RSRP1: variants seen among roughly 807,000 people sequenced by gnomAD.
RSRP1 encodes arginine/serine-rich protein 1.
In RSRP1, 37 loss-of-function variants were observed where a neutral mutation model predicts 33.0. That is an observed-to-expected ratio of 1.12 (90% CI 0.86 to 1.48). The LOEUF is 1.48. Ranked by LOEUF, RSRP1 falls within the 40% of genes most tolerant of loss-of-function variation. The pLI is 0.00. For synonymous variants in RSRP1, 167 were observed against 158.7 expected, an observed-to-expected ratio of 1.05 and a Z score of -0.40; for missense variants, 402 against 385.3, an observed-to-expected ratio of 1.04 and a Z score of -0.36.
intron 1 of RSRP1, among the ~76,000 whole-genome samples, chr1:25,298,710 A>G (rs1381902999): frequency 7.6e-6 from 1 of 131,604 alleles, no homozygotes; most frequent in African/African-American, 2.6e-5. Context: ...GGTATTTACT[A>G]TATACCAGGG....
rs1310963896 is a variant in RSRP1 at position 25,269,064 on chromosome 1, T to G, written c.-66-22035A>C. On this transcript the variant is annotated intron_variant, in intron 1 of 1. Coordinates refer to the RSRP1 transcript ENST00000561867. ...AGTACAGTTGTTCCTTGACTTTCGA[T>G]GGGGTTATGTCCTGATAAAGCCATG... 6.1e-5 allele frequency among the ~76,000 whole-genome samples: 8 copies of G among 130,774 alleles called. 2 individuals are homozygous for G. Among genetic ancestry groups the G allele is most frequent in the African/African-American group, 2.1e-4 (8 of 38,268 alleles). The allele number at this position is 130,774 out of a possible 152,430, so 85.8% of individuals were successfully genotyped here.
intron 1 of RSRP1, among the ~76,000 whole-genome samples, chr1:25,321,661 C>T (rs182753104): frequency 0.068 from 2,110 of 31,202 alleles, 329 homozygotes; most frequent in African/African-American, 0.11. Flanking sequence ...TAGAGTGAGA[C>T]TCTGTCTCAA....
At chr1:25,267,478 T>C (rs1640342554) in intron 1 of RSRP1, among the ~76,000 whole-genome samples, 1 of 125,338 alleles carries the variant, frequency 8.0e-6, no homozygotes, top group African/African-American at 2.8e-5. Flanking sequence ...GCGCCGAGAC[T>C]GGGGTCCACG....
At chr1:25,312,245 G>T (rs1162811940) in intron 1 of RSRP1, among the ~76,000 whole-genome samples, 5 of 96,912 alleles carry the variant, frequency 5.2e-5, no homozygotes, top group African/African-American at 1.7e-4. Flanking sequence ...TTTTTCCCTT[G>T]CCTCTTTTTC....
chr1:25,252,387 A>C (rs531006606), upstream of RSRP1, among the ~76,000 whole-genome samples: 5 of 152,250 alleles, frequency 3.3e-5, no homozygotes, highest in East Asian at 9.7e-4. Flanking sequence ...GGAAAAAAAA[A>C]CAATCAGCAT....
chr1:25,320,416 G>T (rs2124136010), intron 1 of RSRP1, among the ~76,000 whole-genome samples: 1 of 132,308 alleles, frequency 7.6e-6, no homozygotes, highest in African/African-American at 2.6e-5. Context: ...CCTCAGTGAT[G>T]AGTAAGCCTC....
rs1407498613 is a variant in RSRP1 at position 25,301,375 on chromosome 1, C to T, written c.-67+36603G>A. The T allele has an allele frequency of 4.5e-5, 37 of 827,898 alleles. 6 individuals carry two copies. Among genetic ancestry groups the T allele is most frequent in the Middle Eastern group, 3.5e-4 (1 of 2,884 alleles). 51.3% of individuals were successfully genotyped at this position (827,898 alleles called of 1,614,324 possible). A position where few individuals can be genotyped will look rare whatever the true frequency, so the allele number is the denominator to read the frequency against. ...GTTAGCTGGTATCAGCTTGAGAGCT[C>T]GGAGGGGAGACGTGACTTCCCCATC... On this transcript the variant is annotated intron_variant, in intron 1 of 1. Coordinates refer to the RSRP1 transcript ENST00000561867.
At chr1:25,252,411 A>T (rs867037290), upstream of RSRP1, among the ~76,000 whole-genome samples, 1 of 152,136 alleles carries the variant, frequency 6.6e-6, no homozygotes, top group African/African-American at 2.4e-5. Context: ...TACACTCACC[A>T]GACAATGGAG....
intron 3 of RSRP1, chr1:25,244,241 A>G (rs1244306723): frequency 7.0e-6 from 9 of 1,289,106 alleles, no homozygotes; most frequent in Admixed American, 4.6e-5. Context: ...TATATTGCAT[A>G]TATTATGAAA....
rs1341170098 is a variant in RSRP1, at chr1:25,246,942, TGTC to T, written c.19_21del (p.Asp7del). On this transcript the variant is annotated inframe_deletion, in exon 2 of 5. Coordinates refer to ENST00000243189, the MANE Select transcript of RSRP1 (RefSeq NM_020317.5). ...TTCTCCTGCGGCGAGCCCGGCCACA[TGTC>T]GTTCACGTAGTTGGACATCTTCACC... The T allele has an allele frequency of 1.9e-6, 3 of 1,585,672 alleles. No individual in the cohort carries two copies. The highest frequency in any genetic ancestry group is 2.6e-6 in the Non-Finnish European group (3 of 1,162,668).
chr1:25,321,498 TA>T (rs1214598540), intron 1 of RSRP1, among the ~76,000 whole-genome samples: 1,875 of 76,324 alleles, frequency 0.025, 106 homozygotes, highest in African/African-American at 0.072. Flanking sequence ...CCATCTCTAC[TA>T]AAAAAAAAAA....
At position 25,309,307 on chromosome 1, in the gene RSRP1, G is replaced by C. The variant is rs1166115830; in HGVS notation, c.-67+28671C>G. 1.5e-5 allele frequency among the ~76,000 whole-genome samples: 2 copies of C among 131,222 alleles called. 1 individual carries two copies. Among genetic ancestry groups the C allele is most frequent in the Non-Finnish European group, 3.6e-5 (2 of 55,788 alleles). 86.1% of individuals were successfully genotyped at this position (131,222 alleles called of 152,430 possible). Reference sequence around the variant, plus strand: ...TGCAGATACTCTTTTTCAATTCTCAGTCCTTTGATTACGTCAGGGAGAAAA... The same window carrying C: ...TGCAGATACTCTTTTTCAATTCTCACTCCTTTGATTACGTCAGGGAGAAAA... On this transcript the variant is annotated intron_variant, in intron 1 of 1. Transcript: ENST00000561867.
intron 1 of RSRP1, chr1:25,329,468 C>T (rs1644944872): frequency 4.5e-6 from 1 of 222,762 alleles, no homozygotes; most frequent in South Asian, 3.8e-5. Flanking sequence ...ATCTCAAACT[C>T]CTGACCTCAA....
Position 25,301,432 on chromosome 1 carries a change from G to A in RSRP1, c.-67+36546C>T, listed in dbSNP as rs1643377962. On this transcript the variant is annotated intron_variant, in intron 1 of 1. Transcript: ENST00000561867. ...TAAGTGACAAGGCTGAGACTCTCCA[G>A]CCCTAGGATTCTCATCCAAAACCCC... 13 of 1,174,614 alleles carry A rather than the reference G, an allele frequency of 1.1e-5. 3 individuals are homozygous for A. The highest frequency in any genetic ancestry group is 1.6e-5 in the Non-Finnish European group (13 of 795,868). The allele number at this position is 1,174,614 out of a possible 1,614,324, so 72.8% of individuals were successfully genotyped here. A position where few individuals can be genotyped will look rare whatever the true frequency, so the allele number is the denominator to read the frequency against.
At chr1:25,244,124 C>A (rs1639141716) in intron 3 of RSRP1, 1 of 1,281,064 alleles carries the variant, frequency 7.8e-7, no homozygotes, top group South Asian at 1.3e-5. Context: ...GTGAAAAGTA[C>A]AGTGCAATTT....
At chr1:25,283,911 C>G (rs1460869567) in intron 1 of RSRP1, among the ~76,000 whole-genome samples, 2 of 134,082 alleles carry the variant, frequency 1.5e-5, no homozygotes, top group Non-Finnish European at 3.5e-5. Flanking sequence ...CCCTCAGGTG[C>G]GTCTCTTCCA....
At chr1:25,254,560 T>G in intron 1 of RSRP1, among the ~76,000 whole-genome samples, 1 of 152,194 alleles carries the variant, frequency 6.6e-6, no homozygotes, top group Middle Eastern at 3.4e-3. Flanking sequence ...CTCAGCCTCC[T>G]GAGTAGCTGG....
At chr1:25,264,643 T>A (rs1640267661) in intron 1 of RSRP1, among the ~76,000 whole-genome samples, 1 of 150,344 alleles carries the variant, frequency 6.7e-6, no homozygotes, top group Admixed American at 6.7e-5. Flanking sequence ...CTGGAGACAT[T>A]TTCCCCATTG....
intron 1 of RSRP1, among the ~76,000 whole-genome samples, chr1:25,285,476 AT>A (rs1249909670): frequency 1.5e-5 from 2 of 134,874 alleles, no homozygotes; most frequent in African/African-American, 5.1e-5. Flanking sequence ...CAGCCCCCTA[AT>A]GCTGCTAGAC....
Sources: allele counts gnomAD v4.1 joint callset (sites outside exome capture counted in the v4.1 genomes callset), GRCh38; gene constraint gnomAD v4.1.1; transcripts MANE v1.5; gene names NCBI Gene and HGNC (gene_info 2026-07-23, HGNC 2026-07-21).